Variants in ADAM10 observed in about 807,000 individuals in gnomAD.
ADAM10 encodes disintegrin and metalloproteinase domain-containing protein 10.
In ADAM10, 17 loss-of-function variants were observed where a neutral mutation model predicts 90.1. That is an observed-to-expected ratio of 0.19 (90% CI 0.13 to 0.28). The LOEUF is 0.28. ADAM10 is among the 10% of genes least tolerant of loss of function. The probability of loss-of-function intolerance (pLI) is 1.00; values close to 1 mark genes in which losing one functional copy is unlikely to be tolerated. For synonymous variants in ADAM10, 310 were observed against 298.6 expected (o/e 1.04, Z -0.40); for missense variants, 610 against 914.3 (o/e 0.67, Z 4.29).
chr15:58,621,959 G>C (rs1461387874), intron 10 of ADAM10, among the ~76,000 whole-genome samples: 2 of 151,644 alleles, frequency 1.3e-5, no homozygotes, highest in Non-Finnish European at 2.9e-5. Flanking sequence ...CCAAGTTAGT[G>C]CTTCACTAAC....
rs1447925384 is a variant in ADAM10 at position 58,594,888 on chromosome 15, T to C, written c.*2659A>G. 5 of 152,220 alleles carry C rather than the reference T, an allele frequency of 3.3e-5. No individual in the cohort carries two copies. The highest frequency in any genetic ancestry group is 2.6e-4 in the Admixed American group (4 of 15,282). The allele number at this position is 152,220 out of a possible 1,614,324, so 9.4% of individuals were successfully genotyped here. On this transcript the variant is annotated 3_prime_UTR_variant, in exon 16 of 16. Coordinates refer to ENST00000260408, the MANE Select transcript of ADAM10 (RefSeq NM_001110.4). ...TTACTCATTTAACAAGTATTACTTA[T>C]AGCTAACCTTGACTAAAAAAAGAAT...
intron 14 of ADAM10, among the ~76,000 whole-genome samples, chr15:58,607,567 T>G (rs1188874186): frequency 6.6e-6 from 1 of 152,192 alleles, no homozygotes; most frequent in Admixed American, 6.5e-5. Flanking sequence ...GTGCTCTAAA[T>G]CTTTCATTCA....
intron 1 of ADAM10, among the ~76,000 whole-genome samples, chr15:58,741,244 T>C (rs1595672247): frequency 6.6e-6 from 1 of 152,224 alleles, no homozygotes; most frequent in Non-Finnish European, 1.5e-5. Flanking sequence ...CCTATTTGTC[T>C]TGGAAACAGA....
chr15:58,748,225 T>C (rs1368526280), intron 1 of ADAM10: 25 of 152,338 alleles, frequency 1.6e-4, no homozygotes, highest in African/African-American at 5.8e-4. Context: ...TCGGACTCGG[T>C]AGAATACAGG....
chr15:58,743,591 T>G (rs1191918541), intron 1 of ADAM10, among the ~76,000 whole-genome samples: 1 of 152,030 alleles, frequency 6.6e-6, no homozygotes, highest in African/African-American at 2.4e-5. Flanking sequence ...TCACTGACTT[T>G]CCTTTAAACA....
chr15:58,635,818 T>C (rs1344292793), intron 8 of ADAM10, among the ~76,000 whole-genome samples: 2 of 152,128 alleles, frequency 1.3e-5, no homozygotes, highest in African/African-American at 4.8e-5. Flanking sequence ...AATAGGCATA[T>C]TTTTAAATCT....
At chr15:58,734,989 C>T (rs1899381302) in intron 1 of ADAM10, among the ~76,000 whole-genome samples, 1 of 152,156 alleles carries the variant, frequency 6.6e-6, no homozygotes, top group Non-Finnish European at 1.5e-5. Context: ...ATTGCCTGTT[C>T]CCACATGCAG....
At chr15:58,671,472 C>A (rs1897188976) in intron 4 of ADAM10, among the ~76,000 whole-genome samples, 1 of 152,168 alleles carries the variant, frequency 6.6e-6, no homozygotes, top group South Asian at 2.1e-4. Context: ...ATTATGCTAT[C>A]AGAGATGTGA....
intron 4 of ADAM10, among the ~76,000 whole-genome samples, chr15:58,677,956 C>T (rs1897333417): frequency 6.6e-6 from 1 of 152,062 alleles, no homozygotes; most frequent in Non-Finnish European, 1.5e-5. Flanking sequence ...AAGCAAGACA[C>T]AAACCAGGTA....
At chr15:58,654,030 A>G (rs570492963) in intron 5 of ADAM10, among the ~76,000 whole-genome samples, 1 of 152,102 alleles carries the variant, frequency 6.6e-6, no homozygotes, top group South Asian at 2.1e-4. Flanking sequence ...TGATCCTTTG[A>G]ATTTCATCTA....
intron 2 of ADAM10, among the ~76,000 whole-genome samples, chr15:58,685,040 T>C (rs186837860): frequency 1.6e-3 from 236 of 152,238 alleles, no homozygotes; most frequent in African/African-American, 5.3e-3. Context: ...ACTAGTTAAT[T>C]TGCTTATGGT....
chr15:58,717,093 T>A (rs1406033411), intron 2 of ADAM10, among the ~76,000 whole-genome samples: 2 of 152,068 alleles, frequency 1.3e-5, no homozygotes, highest in African/African-American at 4.8e-5. Flanking sequence ...TTTTTTAACC[T>A]CTCTCCCTTG....
At chr15:58,643,584 T>C (rs1274849862) in intron 7 of ADAM10, among the ~76,000 whole-genome samples, 2 of 152,200 alleles carry the variant, frequency 1.3e-5, no homozygotes, top group Non-Finnish European at 1.5e-5. Context: ...ACTATAGCCA[T>C]AGTTATTGAA....
rs1323960397 is a variant in ADAM10, at chr15:58,647,246, G to GTCTTT, written c.586-1043_586-1042insAAAGA. ...CTTGGCAGCAAAGAGTAGACACTAA[G>GTCTTT]TATTTTTTTTTTTTTTTTTTTTTTT... On this transcript the variant is annotated intron_variant, in intron 5 of 15. Coordinates refer to ENST00000260408, the MANE Select transcript of ADAM10 (RefSeq NM_001110.4). Among the ~76,000 whole-genome samples the GTCTTT allele has an allele frequency of 1.2e-3, 43 of 36,842 alleles. 2 individuals are homozygous for GTCTTT. Among genetic ancestry groups the GTCTTT allele is most frequent in the African/African-American group, 2.9e-3 (40 of 13,594 alleles). The allele number at this position is 36,842 out of a possible 152,430, so 24.2% of individuals were successfully genotyped here. A position where few individuals can be genotyped will look rare whatever the true frequency, so the allele number is the denominator to read the frequency against.
At chr15:58,653,106 T>C (rs527901090) in intron 5 of ADAM10, among the ~76,000 whole-genome samples, 3 of 152,308 alleles carry the variant, frequency 2.0e-5, no homozygotes, top group East Asian at 1.9e-4. Flanking sequence ...TCAGTTCTAA[T>C]AGTTTTTTGG....
At chr15:58,651,799 T>C (rs1380889120) in intron 5 of ADAM10, among the ~76,000 whole-genome samples, 2 of 152,116 alleles carry the variant, frequency 1.3e-5, no homozygotes, top group South Asian at 4.2e-4. Flanking sequence ...GTAGTTCTAT[T>C]TGTAGTTTTT....
At chr15:58,670,657 T>C (rs1237563306) in intron 4 of ADAM10, among the ~76,000 whole-genome samples, 1 of 152,164 alleles carries the variant, frequency 6.6e-6, no homozygotes, top group Non-Finnish European at 1.5e-5. Flanking sequence ...TCTGAAGGGC[T>C]ATTCATAAAA....
At chr15:58,649,951 T>C (rs1566980005) in intron 5 of ADAM10, among the ~76,000 whole-genome samples, 2 of 152,192 alleles carry the variant, frequency 1.3e-5, no homozygotes, top group Admixed American at 6.5e-5. Context: ...ATTTCTCTTA[T>C]GCTCTTTTCT....
At chr15:58,721,055 A>G (rs1179301792) in intron 1 of ADAM10, among the ~76,000 whole-genome samples, 1 of 152,222 alleles carries the variant, frequency 6.6e-6, no homozygotes, top group Non-Finnish European at 1.5e-5. Context: ...CAGATAAAGT[A>G]TTCTGTCACT....
Sources: gnomAD v4.1 joint callset for allele counts (sites outside exome capture counted in the v4.1 genomes callset) on GRCh38, gnomAD v4.1.1 for gene constraint, MANE v1.5 for transcripts, NCBI Gene and HGNC (gene_info 2026-07-23, HGNC 2026-07-21) for gene names.